INPP5F: variants seen among roughly 807,000 people sequenced by gnomAD.
INPP5F encodes phosphatidylinositide 4-phosphatase SAC2.
In INPP5F, 97 loss-of-function variants were observed where a neutral mutation model predicts 137.2. That is an observed-to-expected ratio of 0.71 (90% CI 0.60 to 0.84). The LOEUF is 0.84. Among genes scored for constraint, INPP5F ranks in the 40% least tolerant of loss-of-function variants. The pLI, the probability that INPP5F is intolerant of heterozygous loss-of-function variation, is 0.00. For missense variants in INPP5F, 1,271 were observed against 1,371.9 expected, an observed-to-expected ratio of 0.93 and a Z score of 1.16; for synonymous variants, 504 against 476.9, an observed-to-expected ratio of 1.06 and a Z score of -0.74.
At chr10:119,798,723 G>A (rs1850477762) in intron 9 of INPP5F, 113 bp downstream of exon 9, 1 of 384,734 alleles carries the variant, frequency 2.6e-6, no homozygotes, top group Non-Finnish European at 4.4e-6. Context: ...TTGTCATGAA[G>A]TTTAACACAT....
At chr10:119,735,945 C>T (rs963314116) in intron 1 of INPP5F, among the ~76,000 whole-genome samples, 1 of 152,162 alleles carries the variant, frequency 6.6e-6, no homozygotes, top group African/African-American at 2.4e-5. Context: ...GCCTGGCCAA[C>T]ATGGTGAAAC....
intron 11 of INPP5F, 40 bp downstream of exon 11, chr10:119,805,501 A>C: frequency 7.5e-7 from 1 of 1,340,830 alleles, no homozygotes; most frequent in Non-Finnish European, 1.1e-6. Context: ...AGACTCTGGG[A>C]TCTGTAAAAT....
intron 1 of INPP5F, among the ~76,000 whole-genome samples, chr10:119,726,892 G>T (rs576719569): frequency 9.8e-5 from 15 of 152,336 alleles, no homozygotes; most frequent in Middle Eastern, 3.4e-3. Context: ...TAGGCACTCG[G>T]TTTAAAGCCT....
chr10:119,784,276 A>G (rs1415540379), intron 3 of INPP5F, among the ~76,000 whole-genome samples: 1 of 152,230 alleles, frequency 6.6e-6, no homozygotes, highest in Non-Finnish European at 1.5e-5. Context: ...TGTTATCAAT[A>G]TTCTACTGAG....
intron 1 of INPP5F, among the ~76,000 whole-genome samples, chr10:119,746,372 C>T (rs1391041577): frequency 1.4e-4 from 22 of 152,082 alleles, no homozygotes; most frequent in Admixed American, 1.4e-3. Context: ...GGTTAGAGTC[C>T]TACAACTGTG....
rs1482116921 is a variant in INPP5F, at chr10:119,829,080, C to G, written c.*1300C>G. ...ATTCCACTTTTGTTATTTATTAGTG[C>G]TATCTTTTTTTTTTACGTGTTAAAT... On this transcript the variant is annotated 3_prime_UTR_variant, in exon 20 of 20. Coordinates refer to ENST00000650623, the MANE Select transcript of INPP5F (RefSeq NM_014937.4). 1 of 152,340 alleles carries G rather than the reference C, an allele frequency of 6.6e-6. No homozygotes were observed. The highest frequency in any genetic ancestry group is 1.5e-5 in the Non-Finnish European group (1 of 67,968). The allele number at this position is 152,340 out of a possible 1,614,324, so 9.4% of individuals were successfully genotyped here.
intron 13 of INPP5F, among the ~76,000 whole-genome samples, chr10:119,809,122 A>G (rs999811702): frequency 6.7e-6 from 1 of 149,466 alleles, no homozygotes; most frequent in African/African-American, 2.5e-5. Flanking sequence ...ACTCACTCAG[A>G]TGGCTGAGGT....
intron 15 of INPP5F, among the ~76,000 whole-genome samples, chr10:119,820,590 G>T (rs1851516945): frequency 6.6e-6 from 1 of 152,012 alleles, no homozygotes; most frequent in Non-Finnish European, 1.5e-5. Context: ...TTTCCTGAGG[G>T]ACTCCTTCCT....
chr10:119,796,168 CA>C (rs1850374697), intron 6 of INPP5F, among the ~76,000 whole-genome samples: 1 of 151,846 alleles, frequency 6.6e-6, no homozygotes. Flanking sequence ...TTTTTGGTTT[CA>C]TTTATTACTT....
rs11347174 is a variant in INPP5F, at chr10:119,821,864, CTT to C, written c.1959-547_1959-546del. Among the ~76,000 whole-genome samples the C allele has an allele frequency of 6.2e-3, 544 of 88,120 alleles. 2 individuals are homozygous for C. Among genetic ancestry groups the C allele is most frequent in the African/African-American group, 0.017 (382 of 22,768 alleles). The allele number at this position is 88,120 out of a possible 152,430, so 57.8% of individuals were successfully genotyped here. ...TTAAAATATTTTAACCTTGTAGTTG[CTT>C]TTTTTTTTTTTTTTTTTTTGAGATG... On this transcript the variant is annotated intron_variant, in intron 16 of 19. Coordinates refer to ENST00000650623, the MANE Select transcript of INPP5F (RefSeq NM_014937.4).
chr10:119,812,455 C>T (rs536323021), intron 15 of INPP5F, among the ~76,000 whole-genome samples: 4 of 150,610 alleles, frequency 2.7e-5, no homozygotes, highest in African/African-American at 9.8e-5. Context: ...CTAAATTTAT[C>T]CACTAGATTG....
chr10:119,768,452 T>G (rs780151321), intron 2 of INPP5F: 1 of 152,154 alleles, frequency 6.6e-6, no homozygotes, highest in Non-Finnish European at 1.5e-5. Context: ...ATGGAGCAGG[T>G]CAGAACTCCC....
chr10:119,819,648 C>T, intron 15 of INPP5F: 3 of 764,622 alleles, frequency 3.9e-6, no homozygotes, highest in Non-Finnish European at 5.8e-6. Context: ...GGTTAATGCT[C>T]AGATTTTGGC....
chr10:119,764,103 C>T, intron 2 of INPP5F, among the ~76,000 whole-genome samples: 1 of 152,192 alleles, frequency 6.6e-6, no homozygotes, highest in East Asian at 1.9e-4. Flanking sequence ...CATCTCTCTT[C>T]TTTCTGAGTC....
intron 13 of INPP5F, among the ~76,000 whole-genome samples, chr10:119,808,348 T>G (rs572905315): frequency 3.3e-5 from 5 of 152,316 alleles, no homozygotes; most frequent in African/African-American, 1.2e-4. Flanking sequence ...ATCCAGAATT[T>G]TATATGAAAT....
intron 1 of INPP5F, among the ~76,000 whole-genome samples, chr10:119,728,555 AG>A (rs2134094703): frequency 6.6e-6 from 1 of 152,322 alleles, no homozygotes; most frequent in South Asian, 2.1e-4. Flanking sequence ...TAGATTACTA[AG>A]TCCTTTTCTT....
At chr10:119,751,590 G>T (rs1311727632) in intron 2 of INPP5F, among the ~76,000 whole-genome samples, 5 of 152,104 alleles carry the variant, frequency 3.3e-5, no homozygotes, top group African/African-American at 9.7e-5. Flanking sequence ...TCCTGTCAGG[G>T]ATCCCTATCC....
chr10:119,727,166 C>T (rs1018392854), intron 1 of INPP5F, among the ~76,000 whole-genome samples: 2 of 152,218 alleles, frequency 1.3e-5, no homozygotes, highest in Non-Finnish European at 2.9e-5. Context: ...GTGGCACCTG[C>T]CCCTTTTGGC....
At chr10:119,791,488 T>A in intron 3 of INPP5F, 29 bp from the exon 4 acceptor site, 1 of 1,557,922 alleles carries the variant, frequency 6.4e-7, no homozygotes, top group Non-Finnish European at 8.8e-7. Context: ...GTATTAGTAA[T>A]AACAAATCAT....
Sources: gnomAD v4.1 joint callset for allele counts (sites outside exome capture counted in the v4.1 genomes callset) on GRCh38, gnomAD v4.1.1 for gene constraint, MANE v1.5 for transcripts, NCBI Gene and HGNC (gene_info 2026-07-23, HGNC 2026-07-21) for gene names.